The following SORBS2 variants were observed in gnomAD, a reference collection of about 807,000 sequenced individuals.
SORBS2 encodes sorbin and SH3 domain-containing protein 2.
In SORBS2, 46 loss-of-function variants were observed where a neutral mutation model predicts 97.7. The ratio of observed to expected loss-of-function variants is 0.47; its 90% CI spans 0.37 to 0.60. The LOEUF (loss-of-function observed/expected upper bound fraction) is 0.60. Ranked by LOEUF, SORBS2 falls within the 20% of genes least tolerant of loss-of-function variation. The pLI is 0.00. For synonymous variants in SORBS2, 476 were observed against 473.4 expected (o/e 1.01, Z -0.07); for missense variants, 1,316 against 1,282.3 (o/e 1.03, Z -0.40).
chr4:185,741,906 A>G (rs1583880716), intron 2 of SORBS2, among the ~76,000 whole-genome samples: 1 of 152,006 alleles, frequency 6.6e-6, no homozygotes, highest in East Asian at 1.9e-4. Flanking sequence ...CGGGTCCTTC[A>G]CTCACTGACC....
At chr4:185,944,159 C>G (rs1250141115) in intron 1 of SORBS2, among the ~76,000 whole-genome samples, 1 of 152,178 alleles carries the variant, frequency 6.6e-6, no homozygotes, top group East Asian at 1.9e-4. Flanking sequence ...GGAAAGCCCT[C>G]ATACGGAAAG....
chr4:185,721,826 T>C (rs977641880), intron 2 of SORBS2, among the ~76,000 whole-genome samples: 1 of 152,236 alleles, frequency 6.6e-6, no homozygotes, highest in African/African-American at 2.4e-5. Context: ...GTCTTCCTCT[T>C]AGGAATTACA....
chr4:185,696,056 T>C (rs1326925197), intron 2 of SORBS2, among the ~76,000 whole-genome samples: 1 of 152,168 alleles, frequency 6.6e-6, no homozygotes, highest in East Asian at 1.9e-4. Context: ...TATTTATCTA[T>C]GCTGAGGCCA....
intron 1 of SORBS2, among the ~76,000 whole-genome samples, chr4:185,851,904 A>T (rs1331379112): frequency 6.6e-6 from 1 of 152,158 alleles, no homozygotes; most frequent in Non-Finnish European, 1.5e-5. Context: ...GACTGTGTAA[A>T]TTAATACTTA....
chr4:185,831,982 T>C (rs2153673769), intron 1 of SORBS2, among the ~76,000 whole-genome samples: 1 of 152,362 alleles, frequency 6.6e-6, no homozygotes, highest in East Asian at 1.9e-4. Flanking sequence ...TACTAACTGT[T>C]CAATAAATGT....
intron 1 of SORBS2, among the ~76,000 whole-genome samples, chr4:185,887,958 ATATGTGTGTGTGTGTG>A (rs1340176447): frequency 8.0e-5 from 12 of 149,116 alleles, no homozygotes; most frequent in South Asian, 2.1e-4. Context: ...TAGTATATAT[ATATGTGTGTGTGTGTG>A]TGTGTGTGTG....
intron 4 of SORBS2, among the ~76,000 whole-genome samples, chr4:185,677,927 G>A (rs1466469538): frequency 6.6e-6 from 1 of 152,116 alleles, no homozygotes; most frequent in Non-Finnish European, 1.5e-5. Flanking sequence ...TATGTTAAAA[G>A]TGAACATATG....
At chr4:185,879,726 A>T (rs532625187) in intron 1 of SORBS2, among the ~76,000 whole-genome samples, 8 of 152,226 alleles carry the variant, frequency 5.3e-5, no homozygotes, top group South Asian at 4.1e-4. Flanking sequence ...CAGGTGTGAG[A>T]TGGTATCTCA....
rs75226251 is a variant in SORBS2 at position 185,674,822 on chromosome 4, T to C, written c.-46+3601A>G. ...TTCCTCCTTCAAAGCTGTTCTCTTT[T>C]CAGTGAGGTCTATTGATATTGAGTT... is the stretch of plus-strand genomic sequence containing the variant. On this transcript the variant is annotated intron_variant, in intron 4 of 20. Transcript: ENST00000284776. 1.5e-3 allele frequency among the ~76,000 whole-genome samples: 226 copies of C among 152,334 alleles called. 5 individuals are homozygous for C. The East Asian group carries it at 0.029, about 20-fold the overall frequency.
chr4:185,657,540 A>G (rs781300825), upstream of SORBS2: 2 of 1,581,116 alleles, frequency 1.3e-6, no homozygotes, highest in African/African-American at 1.4e-5. Flanking sequence ...AGGGGGATAG[A>G]GCTGCTGGTG....
chr4:185,600,392 G>A (rs1324165431), intron 12 of SORBS2, among the ~76,000 whole-genome samples: 1 of 152,214 alleles, frequency 6.6e-6, no homozygotes, highest in East Asian at 1.9e-4. Flanking sequence ...AGGCTGGAGT[G>A]CAATGGCACA....
At chr4:185,949,495 C>T (rs1010007556) in intron 1 of SORBS2, among the ~76,000 whole-genome samples, 3 of 151,724 alleles carry the variant, frequency 2.0e-5, no homozygotes, top group South Asian at 2.1e-4. Context: ...ATGGTGCAGT[C>T]GGGGTTTTAA....
chr4:185,919,673 C>T (rs1285528328), intron 1 of SORBS2, among the ~76,000 whole-genome samples: 1 of 152,208 alleles, frequency 6.6e-6, no homozygotes, highest in Non-Finnish European at 1.5e-5. Context: ...TTGACACACA[C>T]ATGCAATTAA....
intron 1 of SORBS2, among the ~76,000 whole-genome samples, chr4:185,802,065 C>G (rs1198557385): frequency 1.3e-5 from 2 of 152,216 alleles, no homozygotes; most frequent in Non-Finnish European, 2.9e-5. Context: ...ACCATTTTCT[C>G]TAATCCATCT....
At chr4:185,686,915 C>T (rs1206944209) in intron 2 of SORBS2, among the ~76,000 whole-genome samples, 1 of 152,202 alleles carries the variant, frequency 6.6e-6, no homozygotes, top group Non-Finnish European at 1.5e-5. Context: ...CAATGAACTA[C>T]TTGCTTGGGG....
chr4:185,927,123 A>G (rs1410176984), intron 1 of SORBS2, among the ~76,000 whole-genome samples: 1 of 149,138 alleles, frequency 6.7e-6, no homozygotes, highest in Admixed American at 6.7e-5. Context: ...TATTATATGT[A>G]TATAAAATAT....
At chr4:185,656,963 C>T (rs2097417483) in exon 1 of SORBS2, 1 of 1,131,986 alleles carries the variant, frequency 8.8e-7, no homozygotes, top group African/African-American at 1.6e-5. Flanking sequence ...CTCCCAACTC[C>T]CAAATCACAG....
At chr4:185,688,488 C>A (rs201175731) in intron 2 of SORBS2, among the ~76,000 whole-genome samples, 23,888 of 145,090 alleles carry the variant, frequency 0.16, 2,133 homozygotes, top group Middle Eastern at 0.21. Flanking sequence ...ATCTATCTGT[C>A]TATTGATAGA....
intron 1 of SORBS2, among the ~76,000 whole-genome samples, chr4:185,813,833 A>G (rs2153668685): frequency 6.6e-6 from 1 of 152,218 alleles, no homozygotes; most frequent in Admixed American, 6.5e-5. Context: ...CACCTCTGCT[A>G]TTACAGGCCT....
Sources: gnomAD v4.1 joint callset for allele counts (sites outside exome capture counted in the v4.1 genomes callset) on GRCh38, gnomAD v4.1.1 for gene constraint, MANE v1.5 for transcripts, NCBI Gene and HGNC (gene_info 2026-07-23, HGNC 2026-07-21) for gene names.